Variants in CXCL13 observed in about 807,000 individuals in gnomAD.
The protein encoded by CXCL13 is C-X-C motif chemokine 13.
In CXCL13, 7 loss-of-function variants were observed where a neutral mutation model predicts 12.2. The ratio of observed to expected loss-of-function variants is 0.57; its 90% confidence interval spans 0.33 to 1.07. The LOEUF is 1.07. CXCL13 is among the 50% of genes least tolerant of loss of function. The pLI, the probability that CXCL13 is intolerant of heterozygous loss-of-function variation, is 0.04. For synonymous variants in CXCL13, 47 were observed against 42.4 expected, an observed-to-expected ratio of 1.11 and a Z score of -0.42; for missense variants, 113 against 127.4, an observed-to-expected ratio of 0.89 and a Z score of 0.55.
At chr4:77,604,565 T>C (rs1372127373), upstream of CXCL13, among the ~76,000 whole-genome samples, 1 of 151,760 alleles carries the variant, frequency 6.6e-6, no homozygotes, top group Admixed American at 6.6e-5. Flanking sequence ...AACAAACTGC[T>C]AGGGAAGCAG....
intron 2 of CXCL13, among the ~76,000 whole-genome samples, chr4:77,609,864 T>C (rs1171870679): frequency 6.6e-6 from 1 of 152,242 alleles, no homozygotes; most frequent in Non-Finnish European, 1.5e-5. Context: ...ATGTATTTGT[T>C]GTGCAATCTT....
intron 2 of CXCL13, among the ~76,000 whole-genome samples, chr4:77,608,187 T>G (rs949172076): frequency 6.6e-6 from 1 of 152,102 alleles, no homozygotes; most frequent in Non-Finnish European, 1.5e-5. Flanking sequence ...ACGCCTGTAA[T>G]CCCAGCACTT....
intron 1 of CXCL13, among the ~76,000 whole-genome samples, chr4:77,549,998 C>A (rs1298679311): frequency 1.3e-5 from 2 of 152,222 alleles, no homozygotes; most frequent in African/African-American, 4.8e-5. Context: ...GGGCTCCACC[C>A]AGTTCAAGCT....
At chr4:77,568,348 A>C (rs1725985449) in intron 1 of CXCL13, among the ~76,000 whole-genome samples, 1 of 152,200 alleles carries the variant, frequency 6.6e-6, no homozygotes, top group African/African-American at 2.4e-5. Flanking sequence ...GGTGCCCCAT[A>C]GCAGCACACC....
chr4:77,525,823 A>T (rs975050271), intron 1 of CXCL13, among the ~76,000 whole-genome samples: 2 of 152,022 alleles, frequency 1.3e-5, no homozygotes, highest in African/African-American at 2.4e-5. Flanking sequence ...CATGGCCATG[A>T]TGGTGTGAAT....
At chr4:77,545,673 T>C (rs1725344262) in intron 1 of CXCL13, among the ~76,000 whole-genome samples, 1 of 152,200 alleles carries the variant, frequency 6.6e-6, no homozygotes, top group Admixed American at 6.6e-5. Flanking sequence ...TTTCTAAATA[T>C]ACAATCACAT....
intron 1 of CXCL13, among the ~76,000 whole-genome samples, chr4:77,571,340 G>A (rs1407427301): frequency 6.6e-6 from 1 of 151,600 alleles, no homozygotes; most frequent in Non-Finnish European, 1.5e-5. Context: ...GTTTGTGAGT[G>A]CACCAATCGA....
At chr4:77,584,632 A>G (rs1016859284) in intron 1 of CXCL13, among the ~76,000 whole-genome samples, 1 of 152,202 alleles carries the variant, frequency 6.6e-6, no homozygotes, top group Non-Finnish European at 1.5e-5. Flanking sequence ...TTTCTAGGGC[A>G]CAGGAAATGC....
intron 2 of CXCL13, 49 bp from the exon 3 acceptor site, chr4:77,610,565 G>C (rs141906007): frequency 7.4e-7 from 1 of 1,347,626 alleles, no homozygotes; most frequent in Admixed American, 1.7e-5. Flanking sequence ...AAAAGTATAG[G>C]ATTGACTAAA....
At chr4:77,605,328 G>T (rs987946104), upstream of CXCL13, among the ~76,000 whole-genome samples, 10 of 152,156 alleles carry the variant, frequency 6.6e-5, no homozygotes, top group African/African-American at 2.4e-4. Flanking sequence ...CATAATCAGC[G>T]TTAGGATCTG....
chr4:77,608,214 G>A (rs758584694), intron 2 of CXCL13, among the ~76,000 whole-genome samples: 3 of 152,124 alleles, frequency 2.0e-5, no homozygotes, highest in Non-Finnish European at 4.4e-5. Flanking sequence ...GCCGAGGAGG[G>A]CGGATCACCT....
intron 1 of CXCL13, among the ~76,000 whole-genome samples, chr4:77,543,441 C>A (rs947570112): frequency 1.3e-5 from 2 of 151,904 alleles, no homozygotes; most frequent in Admixed American, 1.3e-4. Flanking sequence ...TTATAGTGTG[C>A]TGTTAGATAG....
At chr4:77,549,792 G>A (rs937095931) in intron 1 of CXCL13, among the ~76,000 whole-genome samples, 2 of 152,146 alleles carry the variant, frequency 1.3e-5, no homozygotes, top group Non-Finnish European at 2.9e-5. Context: ...GCTACTTGGG[G>A]GTCAGAAACC....
At chr4:77,539,423 G>T (rs180699327) in intron 1 of CXCL13, among the ~76,000 whole-genome samples, 1 of 152,154 alleles carries the variant, frequency 6.6e-6, no homozygotes, top group Non-Finnish European at 1.5e-5. Context: ...CACTGCACCT[G>T]GCCCCAGTTT....
In CXCL13 at chr4:77,609,141, T is replaced by C. The variant is rs529666152; in HGVS notation, c.197+1306T>C. On this transcript the variant is annotated intron_variant, in intron 2 of 3. Coordinates refer to ENST00000682537, the MANE Select transcript of CXCL13 (RefSeq NM_001371558.1). ...TTCCATCATGAACTCAGAAACCCAA[T>C]TGGAAGTGTCTATCTGAAAACCCAA... 1.2e-4 allele frequency among the ~76,000 whole-genome samples: 18 copies of C among 152,270 alleles called. No individual in the cohort carries two copies. In the South Asian group the frequency reaches 2.5e-3, roughly 21 times the overall value.
chr4:77,558,496 G>A (rs1396185462), intron 1 of CXCL13, among the ~76,000 whole-genome samples: 2 of 152,204 alleles, frequency 1.3e-5, no homozygotes, highest in African/African-American at 4.8e-5. Flanking sequence ...GGGACTACAG[G>A]TGTAAGTCAC....
chr4:77,574,557 A>G (rs1191827886), intron 1 of CXCL13, among the ~76,000 whole-genome samples: 4 of 151,904 alleles, frequency 2.6e-5, no homozygotes, highest in Non-Finnish European at 5.9e-5. Flanking sequence ...AGTCATTATT[A>G]CCACAGGCCA....
At chr4:77,573,767 G>C (rs1560530288) in intron 1 of CXCL13, among the ~76,000 whole-genome samples, 2 of 151,918 alleles carry the variant, frequency 1.3e-5, no homozygotes, top group African/African-American at 2.4e-5. Context: ...TCAATTCCTG[G>C]CTTAGGGAAT....
chr4:77,604,936 A>C (rs957941819), upstream of CXCL13, among the ~76,000 whole-genome samples: 1 of 152,120 alleles, frequency 6.6e-6, no homozygotes, highest in African/African-American at 2.4e-5. Context: ...GCCAGTCTAC[A>C]TACTTTTTTT....
Sources: gnomAD v4.1 joint callset for allele counts (sites outside exome capture counted in the v4.1 genomes callset) on GRCh38, gnomAD v4.1.1 for gene constraint, MANE v1.5 for transcripts, NCBI Gene and HGNC (gene_info 2026-07-23, HGNC 2026-07-21) for gene names.